AGMO: variants seen among roughly 807,000 people sequenced by gnomAD.
AGMO encodes the protein glyceryl-ether monooxygenase.
A neutral mutation model predicts 60.2 loss-of-function variants in AGMO; 75 were observed. The ratio of observed to expected loss-of-function variants is 1.25; its 90% CI spans 1.03 to 1.51. AGMO has a LOEUF of 1.51. AGMO is among the 40% of genes most tolerant of loss of function. The pLI is 0.00. For synonymous variants in AGMO, 261 were observed against 177.1 expected (o/e 1.47, Z -3.76); for missense variants, 763 against 525.5 (o/e 1.45, Z -4.42).
the AGMO span, among the ~76,000 whole-genome samples, chr7:15,157,609 G>A: frequency 1.3e-5 from 2 of 152,156 alleles, no homozygotes; most frequent in Non-Finnish European, 2.9e-5. Context: ...GCCTTGAAGA[G>A]ACTTATCCCA....
the AGMO span, among the ~76,000 whole-genome samples, chr7:15,128,010 C>G: frequency 1.3e-5 from 2 of 152,022 alleles, no homozygotes; most frequent in African/African-American, 2.4e-5. Context: ...TAGTTCTGAG[C>G]CATTGCTTGT....
At chr7:15,422,518 A>G (rs1021563157) in intron 4 of AGMO, among the ~76,000 whole-genome samples, 9 of 152,176 alleles carry the variant, frequency 5.9e-5, no homozygotes, top group African/African-American at 1.7e-4. Flanking sequence ...TTAATTGAAA[A>G]TGTATGAACA....
chr7:15,367,101 G>C (rs929651659), intron 10 of AGMO, among the ~76,000 whole-genome samples: 2 of 151,834 alleles, frequency 1.3e-5, no homozygotes, highest in Admixed American at 1.3e-4. Context: ...TTTACAGTTT[G>C]TTTTTGGACT....
At chr7:15,402,747 T>C (rs1465707028) in intron 5 of AGMO, among the ~76,000 whole-genome samples, 1 of 151,094 alleles carries the variant, frequency 6.6e-6, no homozygotes, top group Admixed American at 6.6e-5. Flanking sequence ...AAGGGTTTTC[T>C]ATCAACACTA....
At chr7:15,393,318 A>C (rs1784226490) in intron 6 of AGMO, among the ~76,000 whole-genome samples, 1 of 152,178 alleles carries the variant, frequency 6.6e-6, no homozygotes, top group Non-Finnish European at 1.5e-5. Context: ...TAGAAACAGA[A>C]CAATAGCATT....
At chr7:15,345,898 T>C (rs1359506636) in intron 12 of AGMO, among the ~76,000 whole-genome samples, 3 of 152,132 alleles carry the variant, frequency 2.0e-5, no homozygotes, top group Non-Finnish European at 4.4e-5. Context: ...TTTTTGAGTA[T>C]GTGAGTAATG....
intron 12 of AGMO, among the ~76,000 whole-genome samples, chr7:15,361,631 G>T (rs370856658): frequency 6.8e-6 from 1 of 147,458 alleles, no homozygotes; most frequent in African/African-American, 2.6e-5. Context: ...AAAAGAAAGA[G>T]AGAGAGAAAG....
intron 12 of AGMO, among the ~76,000 whole-genome samples, chr7:15,351,271 G>A (rs1475187232): frequency 2.0e-5 from 3 of 152,002 alleles, no homozygotes; most frequent in Admixed American, 6.6e-5. Context: ...AACATCAGAG[G>A]AGCAAAAACA....
At chr7:15,167,838 TA>T in the AGMO span, among the ~76,000 whole-genome samples, 1 of 152,230 alleles carries the variant, frequency 6.6e-6, no homozygotes, top group East Asian at 1.9e-4. Flanking sequence ...GATTTAATTT[TA>T]AATGCTGTGT....
chr7:15,186,812 C>T, the AGMO span, among the ~76,000 whole-genome samples: 3 of 152,170 alleles, frequency 2.0e-5, no homozygotes, highest in East Asian at 5.8e-4. Context: ...TCTCATTCCA[C>T]TTCTGGTGGT....
intron 3 of AGMO, among the ~76,000 whole-genome samples, chr7:15,536,441 G>A (rs1040489162): frequency 6.6e-6 from 1 of 151,870 alleles, no homozygotes; most frequent in African/African-American, 2.4e-5. Flanking sequence ...CCCATTTGAT[G>A]TTTATGCATA....
the AGMO span, among the ~76,000 whole-genome samples, chr7:15,126,251 C>T: frequency 3.9e-5 from 6 of 152,016 alleles, no homozygotes; most frequent in Admixed American, 3.9e-4. Context: ...AAAGCCAATG[C>T]TAACATTATC....
the AGMO span, among the ~76,000 whole-genome samples, chr7:15,151,131 TTTTG>T: frequency 2.6e-5 from 4 of 151,940 alleles, no homozygotes; most frequent in Admixed American, 6.6e-5. Flanking sequence ...AGTCTCTAAG[TTTTG>T]TTTGTTTGTT....
At chr7:15,331,609 T>A (rs892338841) in intron 12 of AGMO, among the ~76,000 whole-genome samples, 3 of 152,086 alleles carry the variant, frequency 2.0e-5, no homozygotes, top group African/African-American at 7.2e-5. Flanking sequence ...TGAGATAGAT[T>A]ATATTTCCCA....
chr7:15,451,971 G>C (rs1781866346), intron 3 of AGMO, among the ~76,000 whole-genome samples: 1 of 152,166 alleles, frequency 6.6e-6, no homozygotes, highest in African/African-American at 2.4e-5. Flanking sequence ...GATTGGCCAA[G>C]ACACAGCTAT....
At chr7:15,288,196 T>C (rs916933793) in intron 12 of AGMO, among the ~76,000 whole-genome samples, 1 of 151,946 alleles carries the variant, frequency 6.6e-6, no homozygotes, top group Admixed American at 6.6e-5. Context: ...GCTAATTTTT[T>C]TTATTATTAT....
At chr7:15,178,013 G>A in the AGMO span, among the ~76,000 whole-genome samples, 1 of 151,844 alleles carries the variant, frequency 6.6e-6, no homozygotes, top group Non-Finnish European at 1.5e-5. Flanking sequence ...TAATTATATT[G>A]TTCGTTTTAT....
intron 3 of AGMO, among the ~76,000 whole-genome samples, chr7:15,445,391 A>T (rs1363910746): frequency 6.6e-6 from 1 of 152,160 alleles, no homozygotes; most frequent in Non-Finnish European, 1.5e-5. Context: ...ATTTCAACAA[A>T]GTATATTCAA....
chr7:15,346,328 T>C (rs146784555), intron 12 of AGMO, among the ~76,000 whole-genome samples: 4 of 152,164 alleles, frequency 2.6e-5, no homozygotes, highest in Admixed American at 6.6e-5. Flanking sequence ...GTAACAGCAT[T>C]ATTTGGTCTA....
Sources: allele counts gnomAD v4.1 joint callset (sites outside exome capture counted in the v4.1 genomes callset), GRCh38; gene constraint gnomAD v4.1.1; transcripts MANE v1.5; gene names NCBI Gene and HGNC (gene_info 2026-07-23, HGNC 2026-07-21).